The following KDM4B variants were observed in gnomAD, a reference collection of about 807,000 sequenced individuals.
KDM4B encodes lysine demethylase 4B.
Under a neutral mutation model 125.2 loss-of-function variants are expected in KDM4B, and 32 were observed. The observed-to-expected ratio is 0.26, with a 90% CI of 0.19 to 0.34. The LOEUF is 0.34. KDM4B is among the 10% of genes least tolerant of loss of function. The pLI is 1.00. For synonymous variants in KDM4B, 721 were observed against 677.9 expected, an observed-to-expected ratio of 1.06 and a Z score of -0.99; for missense variants, 1,190 against 1,577.7, an observed-to-expected ratio of 0.75 and a Z score of 4.16.
chr19:5,062,126 C>G (rs60612156), intron 6 of KDM4B, among the ~76,000 whole-genome samples: 3 of 152,296 alleles, frequency 2.0e-5, no homozygotes, highest in African/African-American at 7.2e-5. Flanking sequence ...TCTGTCCGGT[C>G]CCCTGTAATC....
intron 12 of KDM4B, 123 bp downstream of exon 12, chr19:5,131,668 G>GGGAGGAGGGGGCAGGTGGGGCACAGGGGA: frequency 1.5e-6 from 1 of 645,946 alleles, no homozygotes; most frequent in South Asian, 1.9e-5. Context: ...GGGACAGGAG[G>GGGAGGAGGGGGCAGGTGGGGCACAGGGGA]GCTGACTGCT....
Position 5,137,334 on chromosome 19 carries a change from C to T in KDM4B, c.2381C>T (p.Thr794Ile), listed in dbSNP as rs1458699521. ...TCSRCAAHAW[T>I]AECCLCNLRG... ...TCCCGGTGCGCGGCCCACGCCTGGA[C>T]TGCGGTAACTCGCTCCCCGCAGCGG... The change falls in exon 16 of 23, where the codon ACT becomes ATT. Residue 794 changes from threonine to isoleucine, a missense_variant. Coordinates refer to ENST00000159111, the MANE Select transcript of KDM4B (RefSeq NM_015015.3). 2 of 1,566,344 alleles carry T rather than the reference C, an allele frequency of 1.3e-6. No homozygotes were observed. The highest frequency in any genetic ancestry group is 2.4e-5 in the East Asian group (1 of 42,418).
At chr19:5,119,010 A>T in intron 10 of KDM4B, 1 of 665,848 alleles carries the variant, frequency 1.5e-6, no homozygotes. Flanking sequence ...CATGGGCTGC[A>T]GAGAGAGGAC....
intron 1 of KDM4B, among the ~76,000 whole-genome samples, chr19:4,994,825 A>C (rs1358264212): frequency 6.6e-6 from 1 of 151,856 alleles, no homozygotes; most frequent in Non-Finnish European, 1.5e-5. Flanking sequence ...TAATATTTTA[A>C]TTCTTTTCAT....
chr19:5,052,358 T>TG (rs1425005507), intron 6 of KDM4B, among the ~76,000 whole-genome samples: 1 of 3,544 alleles, frequency 2.8e-4, no homozygotes, highest in Non-Finnish European at 6.1e-4. Flanking sequence ...ACACTGGGGG[T>TG]GGGGGTGGGG....
intron 9 of KDM4B, among the ~76,000 whole-genome samples, chr19:5,092,068 C>T (rs895837715): frequency 6.6e-6 from 1 of 152,194 alleles, no homozygotes; most frequent in Non-Finnish European, 1.5e-5. Context: ...TAAGACCAGG[C>T]GGAGCGGATC....
Position 5,097,231 on chromosome 19 carries a change from G to A in KDM4B, c.919-13391G>A, listed in dbSNP as rs912846172. Among the ~76,000 whole-genome samples, 9 of 152,262 alleles carry A rather than the reference G, an allele frequency of 5.9e-5. No individual in the cohort carries two copies. In the South Asian group the frequency reaches 1.0e-3, roughly 18 times the overall value. Reference sequence around the variant, plus strand: ...TAAAGCCCCACGTGGCGCATCAGTCGGCCATCCAGGCTTCGTGGTTTTGTT... The same window carrying A: ...TAAAGCCCCACGTGGCGCATCAGTCAGCCATCCAGGCTTCGTGGTTTTGTT... On this transcript the variant is annotated intron_variant, in intron 9 of 22. Transcript: ENST00000159111.
chr19:5,013,242 G>T (rs1156695458), intron 1 of KDM4B, among the ~76,000 whole-genome samples: 1 of 152,186 alleles, frequency 6.6e-6, no homozygotes, highest in Admixed American at 6.5e-5. Context: ...GTGCAGCGGG[G>T]GAGAGAGCTG....
intron 1 of KDM4B, among the ~76,000 whole-genome samples, chr19:5,002,374 GT>G (rs1036735362): frequency 6.6e-6 from 1 of 150,610 alleles, no homozygotes; most frequent in East Asian, 1.9e-4. Flanking sequence ...CCTGCAGAGT[GT>G]TTTTTTTTCT....
At position 5,057,769 on chromosome 19, in the gene KDM4B, G is replaced by T. The variant is rs189435396; in HGVS notation, c.626+10100G>T. Reference sequence around the variant, plus strand: ...AGGACGATGTGCAGCCTTGAGGACAGGGTGTGTCCCAATTGGCGAGGGTGG... The same window carrying T: ...AGGACGATGTGCAGCCTTGAGGACATGGTGTGTCCCAATTGGCGAGGGTGG... On this transcript the variant is annotated intron_variant, in intron 6 of 22. Transcript: ENST00000159111. Among the ~76,000 whole-genome samples the T allele has an allele frequency of 3.3e-5, 5 of 152,362 alleles. No homozygotes were observed. The East Asian group carries it at 9.7e-4, about 29-fold the overall frequency.
At chr19:5,063,317 C>G (rs954405483) in intron 6 of KDM4B, among the ~76,000 whole-genome samples, 1 of 152,086 alleles carries the variant, frequency 6.6e-6, no homozygotes, top group African/African-American at 2.4e-5. Context: ...CATTTTCTTG[C>G]GTGTTCTTTG....
At chr19:5,112,012 G>A in intron 10 of KDM4B, 1 of 571,402 alleles carries the variant, frequency 1.8e-6, no homozygotes, top group African/African-American at 1.9e-5. Flanking sequence ...TCTGCACTTT[G>A]GAGGCCAAGG....
At chr19:5,044,726 C>T (rs2036969099) in intron 5 of KDM4B, among the ~76,000 whole-genome samples, 1 of 151,988 alleles carries the variant, frequency 6.6e-6, no homozygotes, top group African/African-American at 2.4e-5. Context: ...CTAATGATCC[C>T]CTGAGCTCCC....
intron 5 of KDM4B, among the ~76,000 whole-genome samples, chr19:5,043,301 T>C (rs1304287920): frequency 3.5e-5 from 4 of 115,352 alleles, no homozygotes; most frequent in African/African-American, 1.4e-4. Flanking sequence ...CCTTATCCCG[T>C]GCTGTGTTTA....
chr19:5,147,783 G>A (rs528927938), intron 21 of KDM4B, among the ~76,000 whole-genome samples: 6 of 151,540 alleles, frequency 4.0e-5, no homozygotes, highest in South Asian at 2.1e-4. Flanking sequence ...CAGAGTGCTC[G>A]GGGCGGGGGG....
intron 4 of KDM4B, 39 bp from the exon 5 acceptor site, chr19:5,041,098 G>A (rs1427837536): frequency 2.1e-6 from 3 of 1,422,252 alleles, no homozygotes; most frequent in African/African-American, 1.4e-5. Flanking sequence ...TAGCACCCAG[G>A]CCTCACCCTG....
intron 21 of KDM4B, among the ~76,000 whole-genome samples, chr19:5,146,200 G>A (rs1003098466): frequency 1.9e-4 from 28 of 144,002 alleles, no homozygotes; most frequent in Admixed American, 1.7e-3. Context: ...GGCCCCGCCC[G>A]GTCACTGCTC....
At chr19:5,002,470 C>T (rs549534672) in intron 1 of KDM4B, among the ~76,000 whole-genome samples, 23 of 150,142 alleles carry the variant, frequency 1.5e-4, no homozygotes, top group Admixed American at 2.7e-4. Context: ...CCTTTCCTTT[C>T]CTTTCCTTCT....
At chr19:5,061,440 C>T (rs1416105526) in intron 6 of KDM4B, among the ~76,000 whole-genome samples, 2 of 152,210 alleles carry the variant, frequency 1.3e-5, no homozygotes, top group African/African-American at 2.4e-5. Flanking sequence ...GGGAACAAGC[C>T]ACCCTGCTCC....
Sources: gnomAD v4.1 joint callset for allele counts (sites outside exome capture counted in the v4.1 genomes callset) on GRCh38, gnomAD v4.1.1 for gene constraint, MANE v1.5 for transcripts, NCBI Gene and HGNC (gene_info 2026-07-23, HGNC 2026-07-21) for gene names.